FBRSL1: variants seen among roughly 807,000 people sequenced by gnomAD.
The protein encoded by FBRSL1 is fibrosin-1-like protein.
Under a neutral mutation model 89.6 loss-of-function variants are expected in FBRSL1, and 51 were observed. The observed-to-expected ratio is 0.57, with a 90% CI of 0.45 to 0.72. FBRSL1 has a LOEUF of 0.72. FBRSL1 is among the 30% of genes least tolerant of loss of function. FBRSL1 has a pLI of 0.00. For missense variants in FBRSL1, 1,618 were observed against 1,451.8 expected (o/e 1.11, Z -1.86); for synonymous variants, 779 against 681.1 (o/e 1.14, Z -2.24).
At chr12:132,507,529 C>T (rs905830435) in intron 1 of FBRSL1, 5 of 689,214 alleles carry the variant, frequency 7.3e-6, no homozygotes, top group South Asian at 6.4e-5. Flanking sequence ...CGAGATGGGA[C>T]GAGAGGGGAC....
intron 15 of FBRSL1, among the ~76,000 whole-genome samples, chr12:132,578,648 T>C (rs2040543193): frequency 6.6e-6 from 1 of 152,216 alleles, no homozygotes; most frequent in Admixed American, 6.5e-5. Flanking sequence ...CCAGTTGTCC[T>C]GCTGATGGAA....
At chr12:132,562,008 C>A (rs1349924905) in intron 5 of FBRSL1, among the ~76,000 whole-genome samples, 2 of 152,142 alleles carry the variant, frequency 1.3e-5, no homozygotes, top group Admixed American at 6.5e-5. Context: ...GCCGCAGTGC[C>A]CCCTGGAGGC....
At position 132,582,245 on chromosome 12, in the gene FBRSL1, A is replaced by G. The variant is rs1337329778; in HGVS notation, c.2180A>G (p.Asn727Ser). 28 of 1,550,076 alleles carry G rather than the reference A, an allele frequency of 1.8e-5. No homozygotes were observed. The highest frequency in any genetic ancestry group is 1.8e-5 in the Non-Finnish European group (21 of 1,146,790). Residue 727 changes from asparagine (N) to serine (S), a missense_variant, in exon 18 of 19, where the codon AAT (asparagine) becomes AGT (serine). Coordinates refer to ENST00000680143, the MANE Select transcript of FBRSL1 (RefSeq NM_001367871.1). ...ALTNHDREPD[N>S]GKEEQERDLL... ...ACCAACCATGACCGAGAGCCGGACA[A>G]TGGCAAGGAGGAGCAGGAACGGTGA...
intron 4 of FBRSL1, among the ~76,000 whole-genome samples, chr12:132,544,683 TGAG>T (rs1566175467): frequency 6.6e-6 from 1 of 151,786 alleles, no homozygotes; most frequent in African/African-American, 2.4e-5. Context: ...GTGGTGGTAA[TGAG>T]GATGGTGTTG....
intron 1 of FBRSL1, among the ~76,000 whole-genome samples, chr12:132,493,635 G>A (rs565261561): frequency 2.0e-5 from 3 of 152,178 alleles, no homozygotes; most frequent in African/African-American, 4.8e-5. Context: ...TTGTGCCCCC[G>A]GCAGGTCCCT....
At chr12:132,532,376 C>T (rs2036361143) in intron 4 of FBRSL1, among the ~76,000 whole-genome samples, 1 of 152,196 alleles carries the variant, frequency 6.6e-6, no homozygotes, top group Non-Finnish European at 1.5e-5. Context: ...CCATGCCCAC[C>T]CAGAATTCTC....
chr12:132,536,949 C>A (rs1048672221), intron 4 of FBRSL1, among the ~76,000 whole-genome samples: 7 of 152,212 alleles, frequency 4.6e-5, no homozygotes, highest in African/African-American at 1.7e-4. Flanking sequence ...TGTGCCATGC[C>A]TGTGTGGTAA....
At chr12:132,547,918 C>T (rs117025821) in intron 4 of FBRSL1, 85 bp from the exon 5 acceptor site, 20,270 of 1,462,660 alleles carry the variant, frequency 0.014, 388 homozygotes, top group East Asian at 0.11. Flanking sequence ...CCACCCGTGC[C>T]CCTGCAGCCT....
rs1329109903 is a variant in FBRSL1, at chr12:132,499,206, AGGCAGGGATGGTGCCG to A, written c.291+8353_291+8368del. 3.3e-5 allele frequency among the ~76,000 whole-genome samples: 5 copies of A among 151,996 alleles called. No homozygotes were observed. The highest frequency in any genetic ancestry group is 5.9e-5 in the Non-Finnish European group (4 of 67,986). ...CACAGTGGAGCCTCCAGGGCCGGCCAGGCAGGGATGGTGCCGGGCAGGGGTGGTGCCGGGCAGGGGT... is the reference window on the plus strand; with the variant it reads ...CACAGTGGAGCCTCCAGGGCCGGCCAGGCAGGGGTGGTGCCGGGCAGGGGT... On this transcript the variant is annotated intron_variant, in intron 1 of 18. Transcript: ENST00000680143. This position sits in a 1 kb window ranked among gnomAD's most constrained non-coding sequence, Gnocchi z 4.3.
intron 4 of FBRSL1, among the ~76,000 whole-genome samples, chr12:132,542,967 T>C (rs1319658428): frequency 1.3e-5 from 2 of 152,178 alleles, no homozygotes; most frequent in Non-Finnish European, 2.9e-5. Flanking sequence ...CCCCAACCCG[T>C]AGCCGCCCAG....
intron 1 of FBRSL1, among the ~76,000 whole-genome samples, chr12:132,495,768 C>T (rs764273661): frequency 6.6e-6 from 1 of 152,230 alleles, no homozygotes; most frequent in Non-Finnish European, 1.5e-5. Flanking sequence ...AGCAGCGTCG[C>T]TGGCCCCTCG....
intron 4 of FBRSL1, among the ~76,000 whole-genome samples, chr12:132,536,067 G>A (rs1393421141): frequency 2.7e-5 from 4 of 149,778 alleles, no homozygotes; most frequent in East Asian, 2.0e-4. Context: ...ACGTGTGCAT[G>A]ATAGTGTGTT....
chr12:132,519,956 A>G (rs2035198920), intron 2 of FBRSL1, among the ~76,000 whole-genome samples: 1 of 150,824 alleles, frequency 6.6e-6, no homozygotes, highest in African/African-American at 2.4e-5. Context: ...TAGGTTGAGT[A>G]TGTGTGGAAG....
intron 8 of FBRSL1, 48 bp downstream of exon 8, chr12:132,570,588 C>A: frequency 7.1e-7 from 1 of 1,409,284 alleles, no homozygotes; most frequent in Non-Finnish European, 9.3e-7. Context: ...TTGGGGGGTG[C>A]GGGGACACGG....
In FBRSL1 at chr12:132,497,395, A is replaced by G. The variant is rs988943281; in HGVS notation, c.291+6534A>G. On this transcript the variant is annotated intron_variant, in intron 1 of 18. Coordinates refer to ENST00000680143, the MANE Select transcript of FBRSL1 (RefSeq NM_001367871.1). ...GTAGGAGGACCACAGAGCTGGCCCA[A>G]GGTCCCAGGGCAGACCCAGTCTGGC... Among the ~76,000 whole-genome samples, 7 of 152,070 alleles carry G rather than the reference A, an allele frequency of 4.6e-5. No individual in the cohort carries two copies. The East Asian group carries it at 1.2e-3, about 25-fold the overall frequency.
At chr12:132,517,257 C>A (rs1188216790) in intron 2 of FBRSL1, among the ~76,000 whole-genome samples, 2 of 152,204 alleles carry the variant, frequency 1.3e-5, no homozygotes. Flanking sequence ...GGGGAAGGGG[C>A]CACTCAGGAG....
intron 2 of FBRSL1, among the ~76,000 whole-genome samples, chr12:132,517,209 A>T (rs990557432): frequency 3.9e-5 from 6 of 152,058 alleles, no homozygotes; most frequent in Admixed American, 6.5e-5. Flanking sequence ...GCTTCCTCCC[A>T]CCTGACAGGG....
chr12:132,519,852 GA>G (rs994110712), intron 2 of FBRSL1, among the ~76,000 whole-genome samples: 7 of 145,362 alleles, frequency 4.8e-5, no homozygotes, highest in African/African-American at 1.8e-4. Context: ...AGGTTGCAGT[GA>G]GCCAAGATCT....
intron 2 of FBRSL1, among the ~76,000 whole-genome samples, chr12:132,508,746 C>T (rs1028368585): frequency 3.3e-5 from 5 of 152,248 alleles, no homozygotes; most frequent in East Asian, 3.8e-4. Flanking sequence ...CCTGTCCACA[C>T]GCAGCGCCAT....
Sources: gnomAD v4.1 joint callset for allele counts (sites outside exome capture counted in the v4.1 genomes callset) on GRCh38, gnomAD v4.1.1 for gene constraint, Gnocchi (gnomAD v3.1) non-coding constraint, MANE v1.5 for transcripts, NCBI Gene and HGNC (gene_info 2026-07-23, HGNC 2026-07-21) for gene names.